The following PPP2CA variants were observed in gnomAD, a reference collection of about 807,000 sequenced individuals.
The protein encoded by PPP2CA is protein phosphatase 2 catalytic subunit alpha.
PPP2CA carries 5 observed loss-of-function variants against 38.8 expected under a neutral mutation model. The observed-to-expected ratio is 0.13, with a 90% CI of 0.07 to 0.27. The LOEUF is 0.27. Among genes scored for constraint, PPP2CA ranks in the 10% least tolerant of loss-of-function variants. The pLI, the probability that PPP2CA is intolerant of heterozygous loss-of-function variation, is 1.00. For synonymous variants in PPP2CA, 152 were observed against 134.0 expected (o/e 1.13, Z -0.93); for missense variants, 88 against 389.7 (o/e 0.23, Z 6.52).
chr5:134,215,098 T>C (rs1457764354), intron 1 of PPP2CA, among the ~76,000 whole-genome samples: 11 of 3,676 alleles, frequency 3.0e-3, no homozygotes, highest in African/African-American at 0.011. Context: ...ATTTATTTAC[T>C]TTTTTTTTTT....
intron 6 of PPP2CA, among the ~76,000 whole-genome samples, chr5:134,198,395 A>AC (rs1761900777): frequency 6.6e-6 from 1 of 150,724 alleles, no homozygotes; most frequent in Non-Finnish European, 1.5e-5. Flanking sequence ...TCCGTCTCAA[A>AC]AAACAAACAA....
At chr5:134,206,233 T>G (rs1434343071) in intron 1 of PPP2CA, 102 bp from the exon 2 acceptor site, 1 of 997,116 alleles carries the variant, frequency 1.0e-6, no homozygotes, top group East Asian at 2.5e-5. Flanking sequence ...GCAGACTCAG[T>G]CTAAGATAAA....
chr5:134,215,283 C>T (rs762537011), intron 1 of PPP2CA, among the ~76,000 whole-genome samples: 5 of 152,010 alleles, frequency 3.3e-5, no homozygotes, highest in Non-Finnish European at 7.4e-5. Flanking sequence ...AAAAATTATT[C>T]GTAGGGCTGG....
chr5:134,217,073 G>C lies in PPP2CA; in HGVS notation c.102+8687C>G, dbSNP rs531618754. Among the ~76,000 whole-genome samples the C allele has an allele frequency of 2.0e-5, 3 of 152,292 alleles. No homozygotes were observed. In the South Asian group the frequency reaches 6.2e-4, roughly 32 times the overall value. ...AAGGCAGGCAGATCACCTGAGATCG[G>C]GAGTTTGAGGACCAGCCTGACCAAC... On this transcript the variant is annotated intron_variant, in intron 1 of 6. Transcript: ENST00000481195.
intron 2 of PPP2CA, chr5:134,205,614 C>G: frequency 3.6e-6 from 1 of 280,264 alleles, no homozygotes; most frequent in South Asian, 3.8e-5. Flanking sequence ...AACTCCTGAC[C>G]TCAGGTGATC....
At chr5:134,200,632 T>C (rs928026836) in intron 4 of PPP2CA, 136 bp from the exon 5 acceptor site, 10 of 969,790 alleles carry the variant, frequency 1.0e-5, no homozygotes, top group African/African-American at 6.6e-5. Flanking sequence ...GACTGTGCAG[T>C]TGAAGTCAAA....
intron 1 of PPP2CA, among the ~76,000 whole-genome samples, chr5:134,214,193 TA>T (rs751201634): frequency 4.6e-5 from 7 of 152,248 alleles, no homozygotes; most frequent in Non-Finnish European, 7.3e-5. Context: ...AGCTTTAAGA[TA>T]TATAACTATC....
chr5:134,217,570 T>C (rs533021139), intron 1 of PPP2CA, among the ~76,000 whole-genome samples: 6 of 152,370 alleles, frequency 3.9e-5, no homozygotes, highest in African/African-American at 1.4e-4. Flanking sequence ...ACTGTTTTTA[T>C]GTCAAGATGT....
rs564803422 is a variant in PPP2CA at position 134,226,053 on chromosome 5, C to T, written c.-192G>A. 2.1e-5 allele frequency: 11 copies of T among 520,926 alleles called. No homozygotes were observed. The East Asian group carries it at 2.8e-4, about 13-fold the overall frequency. The allele number at this position is 520,926 out of a possible 1,614,324, so 32.3% of individuals were successfully genotyped here. ...GCGCCTCCTCCTCCGCTCGCTGAGG[C>T]TCCAGAGCTCGGCTCTCTGTAATGG... On this transcript the variant is annotated 5_prime_UTR_variant, in exon 1 of 7. Transcript: ENST00000481195.
Position 134,197,597 on chromosome 5 carries a change from C to T in PPP2CA, c.*175G>A, listed in dbSNP as rs1419512497. ...GAACTGGTTCATTCTAAAGTGGTCA[C>T]GGCTGTTGATGACAAGAGGCTTTGT... is the stretch of plus-strand genomic sequence containing the variant. On this transcript the variant is annotated 3_prime_UTR_variant, in exon 7 of 7. Transcript: ENST00000481195. 1.3e-5 allele frequency: 8 copies of T among 599,772 alleles called. No homozygotes were observed. The highest frequency in any genetic ancestry group is 2.8e-5 in the East Asian group (1 of 36,020). 37.2% of individuals were successfully genotyped at this position (599,772 alleles called of 1,614,324 possible).
At chr5:134,216,491 G>C (rs1348126063) in intron 1 of PPP2CA, among the ~76,000 whole-genome samples, 2 of 137,036 alleles carry the variant, frequency 1.5e-5, no homozygotes, top group African/African-American at 5.5e-5. Context: ...AGTGGGCTGA[G>C]ATTGTGCCAC....
intron 1 of PPP2CA, among the ~76,000 whole-genome samples, chr5:134,219,761 AGC>A (rs1762398434): frequency 6.6e-6 from 1 of 152,224 alleles, no homozygotes; most frequent in Non-Finnish European, 1.5e-5. Context: ...CTGTAATCCC[AGC>A]ACTTTGGGAG....
rs1580656081 is a variant in PPP2CA, at chr5:134,225,841, G to A, written c.21C>T (p.Thr7=). ...GCTCGATCCACTGGTCCAGCTCCTT[G>A]GTGAACACCTTCTCGTCCATGATGC... MDEKVF[T]KELDQWIEQL... is the part of the protein sequence containing the mutation. Residue 7 remains threonine, a synonymous_variant, in exon 1 of 7, where the codon ACC becomes ACT. Transcript: ENST00000481195. 13 of 1,609,148 alleles carry A rather than the reference G, an allele frequency of 8.1e-6. No individual in the cohort carries two copies. Among genetic ancestry groups the A allele is most frequent in the African/African-American group, 2.7e-5 (2 of 74,534 alleles).
At chr5:134,207,244 A>G (rs181941149) in intron 1 of PPP2CA, among the ~76,000 whole-genome samples, 14 of 152,218 alleles carry the variant, frequency 9.2e-5, no homozygotes, top group Admixed American at 6.5e-4. Flanking sequence ...TCTCCACTAA[A>G]AATAAAAAAA....
chr5:134,218,454 CA>C (rs2149387914), intron 1 of PPP2CA, among the ~76,000 whole-genome samples: 1 of 152,244 alleles, frequency 6.6e-6, no homozygotes, highest in East Asian at 1.9e-4. Context: ...CAACCTTTAC[CA>C]ACTAACCTAC....
chr5:134,204,233 A>T (rs187441259), intron 2 of PPP2CA, among the ~76,000 whole-genome samples: 18 of 152,376 alleles, frequency 1.2e-4, no homozygotes, highest in Admixed American at 1.0e-3. Context: ...TTAATAATAA[A>T]AATCAGTCTG....
intron 1 of PPP2CA, among the ~76,000 whole-genome samples, chr5:134,209,283 A>AGG (rs1561738681): frequency 3.3e-5 from 5 of 151,882 alleles, no homozygotes; most frequent in South Asian, 2.1e-4. Context: ...GAGGGGGAAA[A>AGG]AAAAAAAATC....
rs184810487 is a variant in PPP2CA, at chr5:134,205,912, T to C, written c.312+10A>G. ...CATTTCAACATGCCCCAACATAAAA[T>C]TGAAATTACCTTAAGAGCTACAAGC... On this transcript the variant is annotated intron_variant, in intron 2 of 6. Coordinates refer to ENST00000481195, the MANE Select transcript of PPP2CA (RefSeq NM_002715.4). 7.5e-5 allele frequency: 120 copies of C among 1,609,198 alleles called. No individual in the cohort carries two copies. The highest frequency in any genetic ancestry group is 9.0e-5 in the Non-Finnish European group (106 of 1,175,688).
intron 1 of PPP2CA, among the ~76,000 whole-genome samples, chr5:134,218,531 C>A (rs954947123): frequency 3.9e-5 from 6 of 152,174 alleles, no homozygotes; most frequent in Admixed American, 1.3e-4. Context: ...ATCTACTACA[C>A]AACTGAGAAA....
Sources: allele counts gnomAD v4.1 joint callset (sites outside exome capture counted in the v4.1 genomes callset), GRCh38; gene constraint gnomAD v4.1.1; transcripts MANE v1.5; gene names NCBI Gene and HGNC (gene_info 2026-07-23, HGNC 2026-07-21).